Variants in CAMK1D observed in about 807,000 individuals in gnomAD.
The protein encoded by CAMK1D is calcium/calmodulin dependent protein kinase ID, also known as calcium/calmodulin-dependent protein kinase type 1D.
In CAMK1D, 9 loss-of-function variants were observed where a neutral mutation model predicts 47.7. The ratio of observed to expected loss-of-function variants is 0.19; its 90% CI spans 0.11 to 0.33. The LOEUF is 0.33. Among genes scored for constraint, CAMK1D ranks in the 10% least tolerant of loss-of-function variants. The pLI, the probability that CAMK1D is intolerant of heterozygous loss-of-function variation, is 1.00. For missense variants in CAMK1D, 291 were observed against 488.7 expected (o/e 0.60, Z 3.81); for synonymous variants, 184 against 184.9 (o/e 0.99, Z 0.04).
chr10:12,512,776 G>A (rs866203526), intron 1 of CAMK1D, among the ~76,000 whole-genome samples: 2 of 152,164 alleles, frequency 1.3e-5, no homozygotes, highest in African/African-American at 2.4e-5. Flanking sequence ...AAGCTGGTAC[G>A]AGTGTTTGCT....
chr10:12,496,320 G>A (rs1005320658), intron 1 of CAMK1D, among the ~76,000 whole-genome samples: 1 of 152,142 alleles, frequency 6.6e-6, no homozygotes. Context: ...ACATAACTGC[G>A]GTTAAACCAG....
chr10:12,461,864 A>C (rs1833436011), intron 1 of CAMK1D, among the ~76,000 whole-genome samples: 3 of 151,976 alleles, frequency 2.0e-5, no homozygotes, highest in African/African-American at 7.3e-5. Context: ...TCTTTGGAGG[A>C]GGAAGTTTGT....
At chr10:12,463,293 A>G (rs1833492137) in intron 1 of CAMK1D, among the ~76,000 whole-genome samples, 1 of 152,044 alleles carries the variant, frequency 6.6e-6, no homozygotes, top group Admixed American at 6.5e-5. Flanking sequence ...GCACACCACC[A>G]CACCTGGCTA....
At chr10:12,815,180 TC>T (rs1832747075) in intron 7 of CAMK1D, among the ~76,000 whole-genome samples, 1 of 152,186 alleles carries the variant, frequency 6.6e-6, no homozygotes. Flanking sequence ...TCTGAAACGT[TC>T]CTAGGGAAGT....
At chr10:12,722,586 A>G (rs1834443779) in intron 3 of CAMK1D, among the ~76,000 whole-genome samples, 1 of 152,090 alleles carries the variant, frequency 6.6e-6, no homozygotes, top group Non-Finnish European at 1.5e-5. Flanking sequence ...ATGATACTTC[A>G]TAGAGAAGTT....
At chr10:12,424,891 G>A (rs1840173514) in intron 1 of CAMK1D, among the ~76,000 whole-genome samples, 1 of 152,156 alleles carries the variant, frequency 6.6e-6, no homozygotes, top group Admixed American at 6.6e-5. Flanking sequence ...ATCTAATAGA[G>A]GGTCCGACCA....
chr10:12,504,770 G>A (rs1450261825), intron 1 of CAMK1D, among the ~76,000 whole-genome samples: 4 of 152,050 alleles, frequency 2.6e-5, no homozygotes, highest in Admixed American at 2.6e-4. Context: ...CTCCCGGGAC[G>A]GTGAGGCCAC....
chr10:12,768,604 C>T (rs578039711), intron 4 of CAMK1D, among the ~76,000 whole-genome samples: 2 of 152,146 alleles, frequency 1.3e-5, no homozygotes, highest in Non-Finnish European at 2.9e-5. Flanking sequence ...GTGGACATTC[C>T]TGGACAACAG....
intron 1 of CAMK1D, among the ~76,000 whole-genome samples, chr10:12,417,684 C>T (rs968510875): frequency 3.9e-5 from 6 of 152,180 alleles, no homozygotes; most frequent in African/African-American, 1.4e-4. Context: ...GGCTGGCCAT[C>T]TGGGGAGCTG....
At position 12,373,853 on chromosome 10, in the gene CAMK1D, T is replaced by A. The variant is rs986150328; in HGVS notation, c.92+23943T>A. On this transcript the variant is annotated intron_variant, in intron 1 of 10. Transcript: ENST00000619168. ...CCTTTGGGAGGCCGAGGCAGGCGGA[T>A]CACTGGAGGTCAGGAGTTCGAGACC... Among the ~76,000 whole-genome samples, 19 of 149,756 alleles carry A rather than the reference T, an allele frequency of 1.3e-4. 1 individual carries two copies. The highest frequency in any genetic ancestry group is 1.6e-4 in the Non-Finnish European group (11 of 67,762).
intron 1 of CAMK1D, among the ~76,000 whole-genome samples, chr10:12,489,768 C>G (rs1019765292): frequency 5.9e-5 from 9 of 152,176 alleles, no homozygotes; most frequent in African/African-American, 1.9e-4. Context: ...ACCATCATTT[C>G]TGAGCTGTTA....
chr10:12,691,599 A>G (rs1463041406), intron 3 of CAMK1D, among the ~76,000 whole-genome samples: 1 of 150,230 alleles, frequency 6.7e-6, no homozygotes, highest in Non-Finnish European at 1.5e-5. Flanking sequence ...CGTCCAGCTC[A>G]TATTTTTTGT....
chr10:12,828,150 C>T (rs1833323134), intron 10 of CAMK1D, among the ~76,000 whole-genome samples: 1 of 152,194 alleles, frequency 6.6e-6, no homozygotes, highest in Admixed American at 6.5e-5. Context: ...CAACACTAGC[C>T]TGGTGCCTGC....
chr10:12,666,140 G>T (rs999377287), intron 2 of CAMK1D, among the ~76,000 whole-genome samples: 5 of 152,118 alleles, frequency 3.3e-5, no homozygotes, highest in African/African-American at 9.6e-5. Flanking sequence ...GATCTAGTTT[G>T]CTTGGGAAGC....
chr10:12,626,747 T>A (rs1267554196), intron 2 of CAMK1D, among the ~76,000 whole-genome samples: 1 of 152,136 alleles, frequency 6.6e-6, no homozygotes, highest in Admixed American at 6.5e-5. Context: ...AGTGCTGGGA[T>A]TATAAGTGTG....
In CAMK1D at chr10:12,602,411, A is replaced by G. The variant is rs536856719; in HGVS notation, c.224+49055A>G. Among the ~76,000 whole-genome samples, 4 of 152,294 alleles carry G rather than the reference A, an allele frequency of 2.6e-5. No homozygotes were observed. In the South Asian group the frequency reaches 8.3e-4, roughly 32 times the overall value. ...TCATGTTCATAGGTGGTCTACAGAT[A>G]GCAGGAAATCTCTCACCGATGACTT... On this transcript the variant is annotated intron_variant, in intron 2 of 10. Coordinates refer to ENST00000619168, the MANE Select transcript of CAMK1D (RefSeq NM_153498.4).
chr10:12,653,503 C>T (rs1840036617), intron 2 of CAMK1D, among the ~76,000 whole-genome samples: 1 of 152,148 alleles, frequency 6.6e-6, no homozygotes, highest in Non-Finnish European at 1.5e-5. Context: ...TGGAATGTGC[C>T]TGGTTATCTG....
intron 3 of CAMK1D, among the ~76,000 whole-genome samples, chr10:12,760,213 A>T (rs1456680870): frequency 6.6e-6 from 1 of 152,196 alleles, no homozygotes; most frequent in Non-Finnish European, 1.5e-5. Flanking sequence ...ACCCTTGCCA[A>T]CCTAGTCCCA....
chr10:12,360,595 A>G (rs1424329815), intron 1 of CAMK1D, among the ~76,000 whole-genome samples: 1 of 152,230 alleles, frequency 6.6e-6, no homozygotes, highest in African/African-American at 2.4e-5. Context: ...TTTACTATGT[A>G]AGTGATTTTA....
Sources: allele counts gnomAD v4.1 joint callset (sites outside exome capture counted in the v4.1 genomes callset), GRCh38; gene constraint gnomAD v4.1.1; transcripts MANE v1.5; gene names NCBI Gene and HGNC (gene_info 2026-07-23, HGNC 2026-07-21).